Variants in GALNTL6 observed in about 807,000 individuals in gnomAD.
GALNTL6 encodes the protein polypeptide N-acetylgalactosaminyltransferase-like 6.
A neutral mutation model predicts 73.7 loss-of-function variants in GALNTL6; 46 were observed. That is an observed-to-expected ratio of 0.62 (90% CI 0.49 to 0.80). GALNTL6 has a LOEUF of 0.80. Among genes scored for constraint, GALNTL6 ranks in the 30% least tolerant of loss-of-function variants. The pLI, the probability that GALNTL6 is intolerant of heterozygous loss-of-function variation, is 0.00. For missense variants in GALNTL6, 604 were observed against 755.0 expected, an observed-to-expected ratio of 0.80 and a Z score of 2.34; for synonymous variants, 259 against 263.7, an observed-to-expected ratio of 0.98 and a Z score of 0.17.
intron 5 of GALNTL6, among the ~76,000 whole-genome samples, chr4:172,755,308 C>A (rs1737692328): frequency 1.4e-5 from 2 of 147,624 alleles, no homozygotes; most frequent in African/African-American, 2.5e-5. Flanking sequence ...ATACAAACTT[C>A]AATTAAACTT....
intron 2 of GALNTL6, among the ~76,000 whole-genome samples, chr4:172,011,337 GA>G (rs1202658633): frequency 2.6e-5 from 4 of 152,106 alleles, no homozygotes; most frequent in Non-Finnish European, 4.4e-5. Flanking sequence ...ATGTTAGCTT[GA>G]AAGGATTAAG....
At chr4:172,282,729 G>A (rs1047494755) in intron 3 of GALNTL6, among the ~76,000 whole-genome samples, 1 of 150,778 alleles carries the variant, frequency 6.6e-6, no homozygotes, top group Non-Finnish European at 1.5e-5. Flanking sequence ...TAACTAAAAG[G>A]ATTAGGGTGA....
chr4:173,005,878 C>T (rs1752256321), intron 10 of GALNTL6, among the ~76,000 whole-genome samples: 1 of 152,192 alleles, frequency 6.6e-6, no homozygotes, highest in African/African-American at 2.4e-5. Context: ...ATCCCATTGT[C>T]TACACAGATG....
intron 2 of GALNTL6, among the ~76,000 whole-genome samples, chr4:172,062,677 T>C (rs1731246471): frequency 6.6e-6 from 1 of 152,224 alleles, no homozygotes; most frequent in South Asian, 2.1e-4. Context: ...TTTTAAAAAA[T>C]GCAATTCTAA....
intron 5 of GALNTL6, among the ~76,000 whole-genome samples, chr4:172,744,358 G>A (rs1295501189): frequency 6.6e-6 from 1 of 151,854 alleles, no homozygotes; most frequent in Non-Finnish European, 1.5e-5. Context: ...AATCCATTTT[G>A]GAAAAAAACT....
At position 172,739,312 on chromosome 4, in the gene GALNTL6, G is replaced by T. The variant is rs188941323; in HGVS notation, c.554-70049G>T. On this transcript the variant is annotated intron_variant, in intron 5 of 12. Transcript: ENST00000506823. ...GAAAATTCTTATGTAACTTTCTAAG[G>T]TATGTTAGAACTCACTGTGAAACCT... is the stretch of plus-strand genomic sequence containing the variant. 5.3e-5 allele frequency among the ~76,000 whole-genome samples: 8 copies of T among 152,198 alleles called. No homozygotes were observed. In the South Asian group the frequency reaches 1.0e-3, roughly 20 times the overall value.
At chr4:172,861,321 G>GTGTGTGTA (rs1173357170) in intron 7 of GALNTL6, among the ~76,000 whole-genome samples, 1 of 123,858 alleles carries the variant, frequency 8.1e-6, no homozygotes, top group Non-Finnish European at 1.6e-5. Flanking sequence ...TTGCTTACAT[G>GTGTGTGTA]TGTGTGTGTG....
In GALNTL6 at chr4:173,040,310, C is replaced by T. The variant is rs983110147; in HGVS notation, c.*210C>T. ...ATCTCACCAGCTGCTTCTGAGAACT[C>T]GAGACTAGCAGTTCCCTTGCTGGCC... On this transcript the variant is annotated 3_prime_UTR_variant, in exon 13 of 13. Coordinates refer to ENST00000506823, the MANE Select transcript of GALNTL6 (RefSeq NM_001034845.3). The T allele has an allele frequency of 2.7e-5, 14 of 523,480 alleles. No homozygotes were observed. The highest frequency in any genetic ancestry group is 5.6e-5 in the South Asian group (2 of 35,588). 32.4% of individuals were successfully genotyped at this position (523,480 alleles called of 1,614,324 possible).
chr4:172,772,717 C>T (rs1738845806), intron 5 of GALNTL6, among the ~76,000 whole-genome samples: 1 of 114,542 alleles, frequency 8.7e-6, no homozygotes, highest in Non-Finnish European at 2.0e-5. Flanking sequence ...CCATGGTAGG[C>T]TGAGTAGTGG....
At chr4:172,560,332 A>C (rs1736307477) in intron 5 of GALNTL6, among the ~76,000 whole-genome samples, 2 of 44,190 alleles carry the variant, frequency 4.5e-5, no homozygotes, top group South Asian at 2.1e-3. Context: ...TTAAGCAAAA[A>C]AAAAAGAAAA....
chr4:172,309,066 A>G (rs948480910), intron 3 of GALNTL6, among the ~76,000 whole-genome samples: 1 of 119,966 alleles, frequency 8.3e-6, no homozygotes, highest in Non-Finnish European at 1.8e-5. Context: ...GGAAGCAAAG[A>G]AGATGAAATT....
chr4:172,686,455 A>T (rs971687332), intron 5 of GALNTL6, among the ~76,000 whole-genome samples: 5 of 150,330 alleles, frequency 3.3e-5, no homozygotes, highest in Non-Finnish European at 1.5e-5. Context: ...TCTCCAAAGG[A>T]ATCTACACAC....
intron 2 of GALNTL6, among the ~76,000 whole-genome samples, chr4:171,850,271 C>T (rs1261988864): frequency 6.6e-6 from 1 of 152,178 alleles, no homozygotes; most frequent in East Asian, 1.9e-4. Flanking sequence ...AAATGTATTA[C>T]AGTTGGGCCC....
intron 2 of GALNTL6, among the ~76,000 whole-genome samples, chr4:171,883,948 T>C (rs139571195): frequency 3.9e-5 from 6 of 152,040 alleles, no homozygotes; most frequent in Non-Finnish European, 7.4e-5. Flanking sequence ...CTCCCAGACA[T>C]ATATGTGCTT....
intron 12 of GALNTL6, among the ~76,000 whole-genome samples, chr4:173,035,734 A>T (rs976823648): frequency 6.6e-6 from 1 of 152,232 alleles, no homozygotes; most frequent in Non-Finnish European, 1.5e-5. Context: ...TTCTCTCCAT[A>T]AATCCTTTCG....
rs1554028517 is a variant in GALNTL6 at position 172,480,329 on chromosome 4, A to AG, written c.553+131640_553+131641insG. On this transcript the variant is annotated intron_variant, in intron 5 of 12. Coordinates refer to ENST00000506823, the MANE Select transcript of GALNTL6 (RefSeq NM_001034845.3). The stretch of plus-strand genomic sequence containing the variant: ...CCCTGTCTCAAAAAAGAAAAAAAAA[A>AG]AGTCATAACTCGTGGTCTCTTTAGT... Among the ~76,000 whole-genome samples, 9 of 152,270 alleles carry AG rather than the reference A, an allele frequency of 5.9e-5. 1 individual carries two copies. Among genetic ancestry groups the AG allele is most frequent in the African/African-American group, 2.2e-4 (9 of 41,566 alleles).
intron 5 of GALNTL6, among the ~76,000 whole-genome samples, chr4:172,386,860 T>C (rs1200163340): frequency 3.3e-5 from 5 of 152,136 alleles, no homozygotes; most frequent in African/African-American, 7.2e-5. Flanking sequence ...CCACTCAACC[T>C]ACCAACTCAA....
chr4:172,495,513 C>T (rs552359576), intron 5 of GALNTL6, among the ~76,000 whole-genome samples: 7 of 152,236 alleles, frequency 4.6e-5, no homozygotes, highest in Non-Finnish European at 8.8e-5. Flanking sequence ...GTCTTTTGGC[C>T]CTTGAAACCT....
intron 8 of GALNTL6, among the ~76,000 whole-genome samples, chr4:172,908,609 AGTGTGTGTGT>A (rs200044918): frequency 6.9e-6 from 1 of 145,870 alleles, no homozygotes. Context: ...CATGAGCGTG[AGTGTGTGTGT>A]GTGTGTGTGT....
Sources: allele counts gnomAD v4.1 joint callset (sites outside exome capture counted in the v4.1 genomes callset), GRCh38; gene constraint gnomAD v4.1.1; transcripts MANE v1.5; gene names NCBI Gene and HGNC (gene_info 2026-07-23, HGNC 2026-07-21).